CDC20B: variants seen among roughly 807,000 people sequenced by gnomAD.
CDC20B encodes the protein cell division cycle protein 20 homolog B.
Under a neutral mutation model 64.1 loss-of-function variants are expected in CDC20B, and 58 were observed. The ratio of observed to expected loss-of-function variants is 0.90; its 90% CI spans 0.73 to 1.13. The LOEUF is 1.13. Ranked by LOEUF, CDC20B falls within the 50% of genes most tolerant of loss-of-function variation. CDC20B has a pLI of 0.00. For synonymous variants in CDC20B, 243 were observed against 230.6 expected (o/e 1.05, Z -0.49); for missense variants, 597 against 633.0 (o/e 0.94, Z 0.61).
chr5:55,154,047 C>T (rs1050370648), intron 2 of CDC20B, among the ~76,000 whole-genome samples: 2 of 152,164 alleles, frequency 1.3e-5, no homozygotes, highest in Non-Finnish European at 2.9e-5. Context: ...TCTGGAGAAC[C>T]ACGTCCAGTC....
intron 5 of CDC20B, among the ~76,000 whole-genome samples, chr5:55,134,246 A>G (rs1287171774): frequency 6.6e-6 from 1 of 152,200 alleles, no homozygotes; most frequent in Non-Finnish European, 1.5e-5. Flanking sequence ...AAGACCACCC[A>G]GGTGACTTGT....
At chr5:55,149,660 T>C (rs1743605222) in intron 2 of CDC20B, among the ~76,000 whole-genome samples, 1 of 152,020 alleles carries the variant, frequency 6.6e-6, no homozygotes, top group Non-Finnish European at 1.5e-5. Context: ...CACAGGAAAA[T>C]CCATAGGCGG....
At chr5:55,157,814 T>C (rs1309749350) in intron 2 of CDC20B, among the ~76,000 whole-genome samples, 1 of 152,226 alleles carries the variant, frequency 6.6e-6, no homozygotes, top group African/African-American at 2.4e-5. Context: ...GGGCCCTGCC[T>C]AAGCGGTGGT....
At chr5:55,162,980 T>A (rs1401748749) in intron 2 of CDC20B, among the ~76,000 whole-genome samples, 1 of 152,132 alleles carries the variant, frequency 6.6e-6, no homozygotes, top group East Asian at 1.9e-4. Context: ...TGTCTAGGCT[T>A]CCATTTATCT....
rs746520532 is a variant in CDC20B at position 55,119,877 on chromosome 5, T to A, written c.1383A>T (p.Ala461=). ...LIWLPKTKEI[A]TGQGTPKNDV... ...CATTCTTGGGAGTACCTTGACCAGT[T>A]GCAATCTCCTTTGTCTTAGGTAGCC... Residue 461 remains alanine, a synonymous_variant, in exon 11 of 12, where the codon GCA becomes GCT. Transcript: ENST00000381375. 3.7e-6 allele frequency: 6 copies of A among 1,613,838 alleles called. No homozygotes were observed. The highest frequency in any genetic ancestry group is 5.1e-6 in the Non-Finnish European group (6 of 1,179,846).
At chr5:55,142,434 A>G (rs1580351432) in intron 4 of CDC20B, among the ~76,000 whole-genome samples, 1 of 152,216 alleles carries the variant, frequency 6.6e-6, no homozygotes, top group South Asian at 2.1e-4. Flanking sequence ...AGCTGGTATA[A>G]CAATTGCTAA....
chr5:55,142,164 T>C (rs1743347660), intron 4 of CDC20B, among the ~76,000 whole-genome samples: 1 of 152,130 alleles, frequency 6.6e-6, no homozygotes, highest in Non-Finnish European at 1.5e-5. Flanking sequence ...CAACTTAATA[T>C]GGAGCTCCTG....
chr5:55,159,108 C>T (rs1158449923), intron 2 of CDC20B, among the ~76,000 whole-genome samples: 1 of 152,182 alleles, frequency 6.6e-6, no homozygotes, highest in Non-Finnish European at 1.5e-5. Flanking sequence ...CCTCAACCTC[C>T]TGGGATCAAG....
Position 55,163,547 on chromosome 5 carries a change from C to G in CDC20B, c.126+9041G>C, listed in dbSNP as rs184465320. On this transcript the variant is annotated intron_variant, in intron 2 of 11. Transcript: ENST00000381375. ...TTGACACAGAGTTTCACTCTTGTCC[C>G]CCAGGCTGGAGGGCAGTGGTGTGGT... 4.6e-5 allele frequency among the ~76,000 whole-genome samples: 7 copies of G among 151,886 alleles called. No homozygotes were observed. The East Asian group carries it at 1.4e-3, about 29-fold the overall frequency.
At chr5:55,135,501 C>T (rs1232461245) in intron 5 of CDC20B, among the ~76,000 whole-genome samples, 1 of 152,084 alleles carries the variant, frequency 6.6e-6, no homozygotes, top group African/African-American at 2.4e-5. Flanking sequence ...CACTCTCATC[C>T]CAACCATATA....
intron 8 of CDC20B, among the ~76,000 whole-genome samples, chr5:55,126,958 T>C (rs1182606890): frequency 6.6e-6 from 1 of 152,210 alleles, no homozygotes; most frequent in Non-Finnish European, 1.5e-5. Context: ...AAAATATCCC[T>C]TTAGTACCTA....
At chr5:55,170,502 T>G (rs1744561082) in intron 2 of CDC20B, 1 of 533,936 alleles carries the variant, frequency 1.9e-6, no homozygotes, top group Non-Finnish European at 3.9e-6. Context: ...CACACACTAA[T>G]TACAGATTCA....
chr5:55,120,669 G>T, intron 9 of CDC20B, 119 bp from the exon 10 acceptor site: 1 of 1,207,438 alleles, frequency 8.3e-7, no homozygotes, highest in Non-Finnish European at 1.2e-6. Flanking sequence ...GCTCTCCTGG[G>T]CCTGCTATCT....
At chr5:55,117,255 T>C (rs1742645633) in intron 11 of CDC20B, among the ~76,000 whole-genome samples, 1 of 151,916 alleles carries the variant, frequency 6.6e-6, no homozygotes, top group Non-Finnish European at 1.5e-5. Flanking sequence ...ACTGAAATTT[T>C]CCCCCCAAAA....
chr5:55,134,112 T>G (rs1048974707), intron 5 of CDC20B, among the ~76,000 whole-genome samples: 2 of 152,210 alleles, frequency 1.3e-5, no homozygotes, highest in Non-Finnish European at 2.9e-5. Context: ...CTAAGGTCAG[T>G]ATTCTATCTT....
intron 2 of CDC20B, chr5:55,161,033 A>G (rs1357289287): frequency 3.1e-6 from 5 of 1,614,010 alleles, no homozygotes; most frequent in Non-Finnish European, 2.5e-6. Flanking sequence ...CTGCCAACTC[A>G]CAGACAGAAA....
intron 2 of CDC20B, among the ~76,000 whole-genome samples, chr5:55,167,439 A>G (rs1302147042): frequency 2.6e-5 from 4 of 152,246 alleles, no homozygotes; most frequent in Admixed American, 1.3e-4. Flanking sequence ...TACATGTTTA[A>G]TAGCAGACTC....
At chr5:55,128,686 T>A in intron 6 of CDC20B, 69 bp from the exon 7 acceptor site, 1 of 1,169,698 alleles carries the variant, frequency 8.5e-7, no homozygotes, top group South Asian at 1.9e-5. Context: ...ATAAACAACT[T>A]TATAGGTAGG....
intron 2 of CDC20B, chr5:55,160,205 G>C (rs1239400840): frequency 1.2e-6 from 2 of 1,613,728 alleles, no homozygotes; most frequent in Non-Finnish European, 1.7e-6. Flanking sequence ...GGAGCCTCTT[G>C]CAGCTTACCC....
Sources: allele counts gnomAD v4.1 joint callset (sites outside exome capture counted in the v4.1 genomes callset), GRCh38; gene constraint gnomAD v4.1.1; transcripts MANE v1.5; gene names NCBI Gene and HGNC (gene_info 2026-07-23, HGNC 2026-07-21).